TYW1: variants seen among roughly 807,000 people sequenced by gnomAD.
The protein encoded by TYW1 is S-adenosyl-L-methionine-dependent tRNA 4-demethylwyosine synthase TYW1.
In TYW1, 46 loss-of-function variants were observed where a neutral mutation model predicts 96.2. The ratio of observed to expected loss-of-function variants is 0.48; its 90% CI spans 0.38 to 0.61. The LOEUF is 0.61. Ranked by LOEUF, TYW1 falls within the 20% of genes least tolerant of loss-of-function variation. TYW1 has a pLI of 0.00. For missense variants in TYW1, 684 were observed against 909.6 expected, an observed-to-expected ratio of 0.75 and a Z score of 3.19; for synonymous variants, 274 against 323.0, an observed-to-expected ratio of 0.85 and a Z score of 1.63.
chr7:67,058,450 C>T (rs1369586836), intron 9 of TYW1, among the ~76,000 whole-genome samples: 1 of 152,128 alleles, frequency 6.6e-6, no homozygotes, highest in African/African-American at 2.4e-5. Flanking sequence ...GCAGATTCCT[C>T]CTAAGCAACC....
At position 67,152,519 on chromosome 7, in the gene TYW1, C is replaced by T. The variant is rs141087967; in HGVS notation, c.1699-30607C>T. On this transcript the variant is annotated intron_variant, in intron 13 of 15. Coordinates refer to ENST00000359626, the MANE Select transcript of TYW1 (RefSeq NM_018264.4). ...CATATCATTGTATCCTCCCTCACCC[C>T]GCCACCCTGTTTGCACACCTAGGTT... Among the ~76,000 whole-genome samples the T allele has an allele frequency of 1.1e-3, 160 of 152,272 alleles. 1 individual carries two copies. Among genetic ancestry groups the T allele is most frequent in the African/African-American group, 2.3e-3 (97 of 41,562 alleles).
At chr7:67,084,621 G>A (rs1429328441) in intron 11 of TYW1, among the ~76,000 whole-genome samples, 1 of 151,586 alleles carries the variant, frequency 6.6e-6, no homozygotes, top group Non-Finnish European at 1.5e-5. Flanking sequence ...AGGATCAGAT[G>A]ATCCTCCCAC....
At chr7:66,997,113 A>G (rs2129234225) in intron 1 of TYW1, 131 bp downstream of exon 1, 4 of 1,528,870 alleles carry the variant, frequency 2.6e-6, no homozygotes, top group Non-Finnish European at 3.6e-6. Context: ...AGCACCGGCT[A>G]GTCGCCGCTG....
At chr7:67,192,717 T>C (rs1295986295) in intron 14 of TYW1, among the ~76,000 whole-genome samples, 2 of 152,326 alleles carry the variant, frequency 1.3e-5, no homozygotes, top group Admixed American at 1.3e-4. Flanking sequence ...GCTCACTACC[T>C]GATGCTCTGG....
chr7:66,998,885 C>T lies in TYW1; in HGVS notation c.204C>T (p.Ser68=), dbSNP rs777709057. ...AQDLMTNGYV[S]LQEKDIFVSG... ...ATTTGATGACAAATGGTTATGTCTCCCTTCAAGAGAAAGACATCTTTGTGT... is the reference window on the plus strand; with the variant it reads ...ATTTGATGACAAATGGTTATGTCTCTCTTCAAGAGAAAGACATCTTTGTGT... Residue 68 remains serine (S), a synonymous_variant, in exon 3 of 16, where the codon TCC becomes TCT. Coordinates refer to ENST00000359626, the MANE Select transcript of TYW1 (RefSeq NM_018264.4). 1.2e-6 allele frequency: 2 copies of T among 1,614,020 alleles called. No individual in the cohort carries two copies. The highest frequency in any genetic ancestry group is 2.2e-5 in the South Asian group (2 of 91,070).
At chr7:67,092,884 C>T (rs1354125071) in intron 11 of TYW1, among the ~76,000 whole-genome samples, 3 of 151,786 alleles carry the variant, frequency 2.0e-5, no homozygotes, top group Non-Finnish European at 2.9e-5. Context: ...GGGGTTTCAC[C>T]ATGTTGTTCA....
chr7:67,161,342 C>T (rs2116219741), intron 13 of TYW1, among the ~76,000 whole-genome samples: 1 of 152,264 alleles, frequency 6.6e-6, no homozygotes, highest in Middle Eastern at 3.4e-3. Flanking sequence ...CTTTATGAAG[C>T]CATGTCTTCC....
intron 13 of TYW1, among the ~76,000 whole-genome samples, chr7:67,132,867 C>T (rs1798126116): frequency 6.6e-6 from 1 of 152,198 alleles, no homozygotes. Context: ...AGAAATTCAT[C>T]CTCCTACAGA....
intron 13 of TYW1, among the ~76,000 whole-genome samples, chr7:67,150,324 C>T (rs2116161636): frequency 6.6e-6 from 1 of 152,176 alleles, no homozygotes; most frequent in Admixed American, 6.5e-5. Flanking sequence ...ACAAACCTAC[C>T]ACCTTTGGTG....
chr7:67,096,177 C>T (rs1796906033), intron 11 of TYW1, among the ~76,000 whole-genome samples: 1 of 152,160 alleles, frequency 6.6e-6, no homozygotes, highest in South Asian at 2.1e-4. Flanking sequence ...ATCACGAGGT[C>T]AGGAGATCGA....
At chr7:67,194,213 A>G (rs1180358894) in intron 14 of TYW1, among the ~76,000 whole-genome samples, 1 of 152,194 alleles carries the variant, frequency 6.6e-6, no homozygotes, top group East Asian at 1.9e-4. Context: ...TTGGTGAAAT[A>G]CATGTGTATA....
chr7:67,014,129 C>T (rs1339502625), intron 4 of TYW1, among the ~76,000 whole-genome samples: 3 of 152,014 alleles, frequency 2.0e-5, no homozygotes, highest in African/African-American at 4.8e-5. Context: ...AACGGAATGG[C>T]GTATATGGTG....
At chr7:67,202,383 A>G (rs1297263562) in intron 15 of TYW1, among the ~76,000 whole-genome samples, 1 of 146,962 alleles carries the variant, frequency 6.8e-6, no homozygotes, top group Non-Finnish European at 1.5e-5. Context: ...TTCTCAGGAG[A>G]TTGCTCAATT....
At chr7:67,029,407 GTGTGTGTGTATATA>G (rs1225354166) in intron 7 of TYW1, among the ~76,000 whole-genome samples, 5 of 96,228 alleles carry the variant, frequency 5.2e-5, no homozygotes, top group African/African-American at 2.0e-4. Context: ...GTGTGTGTGT[GTGTGTGTGTATATA>G]TATATATATA....
chr7:67,045,213 ATT>A (rs1036874016), intron 7 of TYW1, among the ~76,000 whole-genome samples: 6 of 151,118 alleles, frequency 4.0e-5, no homozygotes, highest in Admixed American at 4.0e-4. Flanking sequence ...TTTTTTTTAA[ATT>A]TTTTTTATTT....
chr7:67,179,844 G>A (rs1584661095), intron 13 of TYW1, among the ~76,000 whole-genome samples: 1 of 123,442 alleles, frequency 8.1e-6, no homozygotes, highest in Non-Finnish European at 1.7e-5. Flanking sequence ...TTAATCATTA[G>A]GAATATATAT....
In TYW1 at chr7:67,106,128, C is replaced by A. The variant is rs556538608; in HGVS notation, c.1562+7410C>A. 3.6e-4 allele frequency among the ~76,000 whole-genome samples: 55 copies of A among 152,204 alleles called. No individual in the cohort carries two copies. The South Asian group carries it at 0.011, about 31-fold the overall frequency. On this transcript the variant is annotated intron_variant, in intron 12 of 15. Coordinates refer to ENST00000359626, the MANE Select transcript of TYW1 (RefSeq NM_018264.4). Reference sequence around the variant, plus strand: ...GTCAGGCTGGTCTCAAACTCCTGACCTCAGGTGATCCGCCCACCTTGGCCT... The same window carrying A: ...GTCAGGCTGGTCTCAAACTCCTGACATCAGGTGATCCGCCCACCTTGGCCT...
chr7:67,086,177 T>G (rs1179516531), intron 11 of TYW1, among the ~76,000 whole-genome samples: 1 of 152,162 alleles, frequency 6.6e-6, no homozygotes, highest in Admixed American at 6.6e-5. Context: ...ACAAGTTACA[T>G]TCTTATACTT....
At chr7:67,071,627 T>TG (rs1796033411) in intron 10 of TYW1, among the ~76,000 whole-genome samples, 1 of 151,300 alleles carries the variant, frequency 6.6e-6, no homozygotes, top group African/African-American at 2.4e-5. Context: ...TAATTTTTTT[T>TG]TTCTTTTTTT....
Sources: gnomAD v4.1 joint callset for allele counts (sites outside exome capture counted in the v4.1 genomes callset) on GRCh38, gnomAD v4.1.1 for gene constraint, MANE v1.5 for transcripts, NCBI Gene and HGNC (gene_info 2026-07-23, HGNC 2026-07-21) for gene names.